ATP2B2: variants seen among roughly 807,000 people sequenced by gnomAD.
The protein encoded by ATP2B2 is plasma membrane calcium-transporting ATPase 2.
Under a neutral mutation model 120.0 loss-of-function variants are expected in ATP2B2, and 15 were observed. That is an observed-to-expected ratio of 0.12 (90% CI 0.08 to 0.19). ATP2B2 has a LOEUF of 0.19. ATP2B2 is among the 10% of genes least tolerant of loss of function. The pLI, the probability that ATP2B2 is intolerant of heterozygous loss-of-function variation, is 1.00. For missense variants in ATP2B2, 1,045 were observed against 1,719.8 expected (o/e 0.61, Z 6.94); for synonymous variants, 694 against 700.3 (o/e 0.99, Z 0.14).
intron 1 of ATP2B2, among the ~76,000 whole-genome samples, chr3:10,662,772 G>A (rs1258509695): frequency 1.3e-5 from 2 of 151,916 alleles, no homozygotes; most frequent in Non-Finnish European, 2.9e-5. Flanking sequence ...AAATCATGCT[G>A]CTATAAAGAC....
rs190343592 is a variant in ATP2B2, at chr3:10,337,693, C to T, written c.3420+483G>A. 4.6e-5 allele frequency among the ~76,000 whole-genome samples: 7 copies of T among 152,198 alleles called. No homozygotes were observed. In the East Asian group the frequency reaches 1.2e-3, roughly 25 times the overall value. Reference sequence around the variant, plus strand: ...ACCTTTGCTCCCCAGAGCCTCTCCACCCCCTAGGGGAAGCTGGGGAGAGCA... The same window carrying T: ...ACCTTTGCTCCCCAGAGCCTCTCCATCCCCTAGGGGAAGCTGGGGAGAGCA... On this transcript the variant is annotated intron_variant, in intron 22 of 22. Coordinates refer to ENST00000360273, the MANE Select transcript of ATP2B2 (RefSeq NM_001001331.4).
chr3:10,610,780 C>G (rs1449474108), intron 2 of ATP2B2, among the ~76,000 whole-genome samples: 1 of 152,158 alleles, frequency 6.6e-6, no homozygotes, highest in African/African-American at 2.4e-5. Context: ...AAGGAAATAT[C>G]AACACATGCT....
At chr3:10,669,180 T>A (rs2071027598) in intron 1 of ATP2B2, among the ~76,000 whole-genome samples, 1 of 152,204 alleles carries the variant, frequency 6.6e-6, no homozygotes, top group South Asian at 2.1e-4. Flanking sequence ...TTTCTCTTCC[T>A]GTCCCAAAGA....
chr3:10,494,136 TG>T (rs2125377528), intron 1 of ATP2B2, among the ~76,000 whole-genome samples: 1 of 151,898 alleles, frequency 6.6e-6, no homozygotes, highest in Non-Finnish European at 1.5e-5. Context: ...GTGGACATTC[TG>T]AGAAGTTTCT....
intron 5 of ATP2B2, among the ~76,000 whole-genome samples, chr3:10,390,554 T>A (rs947143079): frequency 1.3e-5 from 2 of 151,998 alleles, no homozygotes; most frequent in African/African-American, 4.8e-5. Context: ...TCTTGGTCTC[T>A]GGGGTCTCAG....
chr3:10,394,552 A>T (rs776982566), intron 5 of ATP2B2: 16 of 467,862 alleles, frequency 3.4e-5, no homozygotes, highest in South Asian at 2.5e-4. Flanking sequence ...AGTGTAATGG[A>T]GAGAGTGCGG....
intron 13 of ATP2B2, among the ~76,000 whole-genome samples, 190 bp downstream of exon 13, chr3:10,359,692 C>G (rs190681716): frequency 1.1e-3 from 164 of 152,312 alleles, no homozygotes; most frequent in Middle Eastern, 3.4e-3. Flanking sequence ...AAGGGGCATG[C>G]AAGTGAAGAT....
intron 1 of ATP2B2, among the ~76,000 whole-genome samples, chr3:10,489,875 A>C (rs753722236): frequency 6.6e-6 from 1 of 152,166 alleles, no homozygotes; most frequent in Non-Finnish European, 1.5e-5. Context: ...ACTTACAACC[A>C]TTTAGCCTGC....
chr3:10,436,368 G>A (rs2125121170), intron 2 of ATP2B2, among the ~76,000 whole-genome samples: 1 of 152,302 alleles, frequency 6.6e-6, no homozygotes, highest in African/African-American at 2.4e-5. Flanking sequence ...ATGGTGTGCG[G>A]CTGCGCCTCT....
chr3:10,609,441 G>A (rs529251811), intron 2 of ATP2B2, among the ~76,000 whole-genome samples: 19 of 152,330 alleles, frequency 1.2e-4, no homozygotes, highest in African/African-American at 2.6e-4. Flanking sequence ...CCTCCTCGGC[G>A]CGCCTGGCTG....
In ATP2B2 at chr3:10,371,951, G is replaced by A; in HGVS notation, c.1517C>T (p.Thr506Ile). ...ICSDKTGTLT[T>I]NRMTVVQAYV... ...GGCCTGTACCACTGTCATGCGATTG[G>A]TGGTCAGCGTGCCTGTCTTGTCTGA... is the stretch of plus-strand genomic sequence containing the variant. Residue 506 changes from threonine (T) to isoleucine (I), a missense_variant, in exon 12 of 23, where the codon ACC becomes ATC. This residue lies in a region of ATP2B2 where 343 missense variants were observed against 536.8 expected (regional missense o/e 0.64). Transcript: ENST00000360273. 6.2e-7 allele frequency: 1 copy of A among 1,614,218 alleles called. No homozygotes were observed. Among genetic ancestry groups the A allele is most frequent in the Non-Finnish European group, 8.5e-7 (1 of 1,180,038 alleles).
intron 1 of ATP2B2, among the ~76,000 whole-genome samples, chr3:10,488,981 T>C (rs989026725): frequency 1.3e-5 from 2 of 152,132 alleles, no homozygotes; most frequent in African/African-American, 2.4e-5. Flanking sequence ...GCCCCCAACT[T>C]GTCAGCTCTC....
At chr3:10,379,332 G>A (rs2125539272) in intron 8 of ATP2B2, 48 bp from the exon 9 acceptor site, 1 of 1,599,480 alleles carries the variant, frequency 6.3e-7, no homozygotes, top group Non-Finnish European at 8.6e-7. Context: ...GACAACACAT[G>A]GTCGGTCATC....
At chr3:10,614,477 C>T (rs992092995) in intron 2 of ATP2B2, among the ~76,000 whole-genome samples, 6 of 152,184 alleles carry the variant, frequency 3.9e-5, no homozygotes, top group African/African-American at 1.4e-4. Context: ...AACAGATGCT[C>T]TGAAAGCACA....
chr3:10,587,159 G>A (rs961308843), intron 2 of ATP2B2, among the ~76,000 whole-genome samples: 1 of 152,038 alleles, frequency 6.6e-6, no homozygotes, highest in Admixed American at 6.6e-5. Flanking sequence ...CAAAAAATTA[G>A]CTGTGTGTGG....
In ATP2B2 at chr3:10,402,425, A is replaced by G; in HGVS notation, c.398-77T>C. The G allele has an allele frequency of 6.4e-7, 1 of 1,574,202 alleles. No homozygotes were observed. The highest frequency in any genetic ancestry group is 8.7e-7 in the Non-Finnish European group (1 of 1,154,138). ...CCTCATGGGCCTGGATTTACAGCTCAGCTCTGCAAAGTAACAAGTGTTAAG... is the reference window on the plus strand; with the variant it reads ...CCTCATGGGCCTGGATTTACAGCTCGGCTCTGCAAAGTAACAAGTGTTAAG... On this transcript the variant is annotated intron_variant, in intron 3 of 22. Coordinates refer to ENST00000360273, the MANE Select transcript of ATP2B2 (RefSeq NM_001001331.4). The surrounding 1 kb of genome is among the most constrained non-coding windows in gnomAD (Gnocchi z 4.9).
At chr3:10,522,835 G>A (rs2067011694) in intron 3 of ATP2B2, among the ~76,000 whole-genome samples, 2 of 152,184 alleles carry the variant, frequency 1.3e-5, no homozygotes, top group Admixed American at 6.5e-5. Flanking sequence ...TGACACCTGG[G>A]GGTGACCTTG....
At chr3:10,483,759 GCCTCCAAACGCCTT>G (rs1384280784) in intron 1 of ATP2B2, among the ~76,000 whole-genome samples, 1 of 152,182 alleles carries the variant, frequency 6.6e-6, no homozygotes, top group Non-Finnish European at 1.5e-5. Flanking sequence ...CCACTGGCTG[GCCTCCAAACGCCTT>G]CCGGAAAAAA....
intron 19 of ATP2B2, among the ~76,000 whole-genome samples, chr3:10,341,338 A>T (rs2060270178): frequency 6.6e-6 from 1 of 151,872 alleles, no homozygotes; most frequent in South Asian, 2.1e-4. Context: ...TTTGAGATGG[A>T]GTCTCGTTGT....
Sources: allele counts gnomAD v4.1 joint callset (sites outside exome capture counted in the v4.1 genomes callset), GRCh38; gene constraint gnomAD v4.1.1; regional missense constraint gnomAD v4.1.1; non-coding constraint Gnocchi (gnomAD v3.1); transcripts MANE v1.5; gene names NCBI Gene and HGNC (gene_info 2026-07-23, HGNC 2026-07-21).